Variants in DNMT3A observed in about 807,000 individuals in gnomAD.
DNMT3A encodes the protein DNA methyltransferase 3 alpha, also known as DNA (cytosine-5)-methyltransferase 3A.
A neutral mutation model predicts 117.6 loss-of-function variants in DNMT3A; 267 were observed. That is an observed-to-expected ratio of 2.27 (90% CI 2.05 to 2.51). The LOEUF (loss-of-function observed/expected upper bound fraction) is 2.51, where lower values mean the gene tolerates loss of function less well. Ranked by LOEUF, DNMT3A falls within the 30% of genes most tolerant of loss-of-function variation. The pLI, the probability that DNMT3A is intolerant of heterozygous loss-of-function variation, is 0.00. For synonymous variants in DNMT3A, 432 were observed against 474.8 expected, an observed-to-expected ratio of 0.91 and a Z score of 1.17; for missense variants, 1,029 against 1,260.2, an observed-to-expected ratio of 0.82 and a Z score of 2.78.
chr2:25,282,012 T>C lies in DNMT3A; in HGVS notation c.448+429A>G. 1 of 1,116,714 alleles carries C rather than the reference T, an allele frequency of 9.0e-7. No individual in the cohort carries two copies. Among genetic ancestry groups the C allele is most frequent in the Non-Finnish European group, 1.1e-6 (1 of 910,660 alleles). The allele number at this position is 1,116,714 out of a possible 1,614,324, so 69.2% of individuals were successfully genotyped here. A position where few individuals can be genotyped will look rare whatever the true frequency, so the allele number is the denominator to read the frequency against. On this transcript the variant is annotated intron_variant, in intron 4 of 22. Transcript: ENST00000321117. The surrounding 1 kb of genome is among the most constrained non-coding windows in gnomAD (Gnocchi z 5.2). ...AATACAGCAACCCCCAGGAACTGCA[T>C]GGCACGTGGGAGAGTAAGCAGGCCA...
chr2:25,335,530 C>T (rs535799068), intron 1 of DNMT3A, among the ~76,000 whole-genome samples: 2 of 152,194 alleles, frequency 1.3e-5, no homozygotes, highest in Non-Finnish European at 2.9e-5. Context: ...ACCCACACCC[C>T]ATAATCTCTA....
chr2:25,240,697 C>A lies in DNMT3A; in HGVS notation c.2116G>T (p.Gly706Trp), dbSNP rs749365376. The stretch of plus-strand genomic sequence containing the variant: ...GAGAGGTCATTGCAGGGACTGCCCC[C>A]AATCACCAGATCGAATGGGCCCCAC... Reference protein sequence around the residue: ...QEWGPFDLVIGGSPCNDLSIV... With the variant: ...QEWGPFDLVIWGSPCNDLSIV... The change falls in exon 18 of 23, where the codon GGG (glycine) becomes TGG (tryptophan). Residue 706 changes from glycine (G) to tryptophan (W), a missense_variant. Physicochemically the swap from Gly to Trp is radical, Grantham distance 184 (BLOSUM62 -2). Coordinates refer to ENST00000321117, the MANE Select transcript of DNMT3A (RefSeq NM_022552.5). 6.2e-7 allele frequency: 1 copy of A among 1,614,190 alleles called. No homozygotes were observed.
rs2033154846 is a variant in DNMT3A at position 25,297,427 on chromosome 2, AC to A, written c.177+2711del. Among the ~76,000 whole-genome samples, 7 of 145,142 alleles carry A rather than the reference AC, an allele frequency of 4.8e-5. No individual in the cohort carries two copies. The South Asian group carries it at 1.6e-3, about 32-fold the overall frequency. On this transcript the variant is annotated intron_variant, in intron 3 of 22. Coordinates refer to ENST00000321117, the MANE Select transcript of DNMT3A (RefSeq NM_022552.5). ...GCTGAGAGGCTGATGCTGGGCCCCC[AC>A]CCCATAGGCCTGCACCCCAGCCTGG...
At chr2:25,245,481 G>A (rs992562432) in intron 12 of DNMT3A, 149 bp from the exon 13 acceptor site, 17 of 664,382 alleles carry the variant, frequency 2.6e-5, no homozygotes, top group Admixed American at 5.4e-5. Context: ...GAAAAGGGAG[G>A]CACTGTGACC....
rs370751539 is a variant in DNMT3A, at chr2:25,239,199, A to G, written c.2339T>C (p.Ile780Thr). The G allele has an allele frequency of 1.8e-5, 29 of 1,613,668 alleles. No homozygotes were observed. The highest frequency in any genetic ancestry group is 1.6e-4 in the Middle Eastern group (1 of 6,084). The change falls in exon 20 of 23, where the codon ATT (isoleucine) becomes ACT (threonine). Residue 780 changes from isoleucine to threonine, a missense_variant. By Grantham distance (89) the Ile-to-Thr change is moderately conservative. Transcript: ENST00000321117. ...TGCAGCTGACACTTCTTTGGCATCA[A>G]TCATCACAGGGTTGGACTACAAAAC... is the stretch of plus-strand genomic sequence containing the variant. ...SRFLESNPVM[I>T]DAKEVSAAHR... is the part of the protein sequence containing the mutation.
intron 6 of DNMT3A, among the ~76,000 whole-genome samples, chr2:25,251,159 G>A: frequency 6.9e-6 from 1 of 144,146 alleles, no homozygotes; most frequent in Non-Finnish European, 1.5e-5. Flanking sequence ...GAAGCGGGGG[G>A]GGGGGTGGGT....
intron 6 of DNMT3A, among the ~76,000 whole-genome samples, chr2:25,255,324 AC>A (rs1384693020): frequency 6.6e-6 from 1 of 152,248 alleles, no homozygotes; most frequent in African/African-American, 2.4e-5. Context: ...CTGGTAGTTT[AC>A]CAGATAGGTC....
At chr2:25,288,172 C>T (rs59118265) in intron 3 of DNMT3A, among the ~76,000 whole-genome samples, 6 of 145,790 alleles carry the variant, frequency 4.1e-5, no homozygotes, top group African/African-American at 1.3e-4. Context: ...TGGTGGCTTA[C>T]GCCTGTAATC....
At chr2:25,258,843 A>C (rs1676372101) in intron 6 of DNMT3A, among the ~76,000 whole-genome samples, 1 of 152,210 alleles carries the variant, frequency 6.6e-6, no homozygotes, top group African/African-American at 2.4e-5. Context: ...AGGAATGAAA[A>C]GCACAAGCAC....
At chr2:25,241,426 A>T in intron 17 of DNMT3A, 136 bp downstream of exon 17, 1 of 1,207,166 alleles carries the variant, frequency 8.3e-7, no homozygotes, top group Non-Finnish European at 1.1e-6. Flanking sequence ...AATGGAAGAT[A>T]AGGAGAAAAA....
chr2:25,253,599 C>T (rs1395392341), intron 6 of DNMT3A, among the ~76,000 whole-genome samples: 1 of 152,134 alleles, frequency 6.6e-6, no homozygotes, highest in South Asian at 2.1e-4. Context: ...CCTTCAGGTG[C>T]GTCCTTGGGT....
intron 6 of DNMT3A, among the ~76,000 whole-genome samples, chr2:25,261,250 C>T (rs1358900517): frequency 1.3e-5 from 2 of 151,472 alleles, no homozygotes; most frequent in Non-Finnish European, 2.9e-5. Flanking sequence ...ACTAGCCTGG[C>T]CAACATGGTG....
intron 19 of DNMT3A, 119 bp from the exon 20 acceptor site, chr2:25,239,334 C>T (rs1381081774): frequency 3.5e-6 from 3 of 850,788 alleles, no homozygotes; most frequent in Non-Finnish European, 5.8e-6. Context: ...AGGAGCCACA[C>T]ACTGGGCTAG....
In DNMT3A at chr2:25,230,552, C is replaced by T. The variant is rs1230672113; in HGVS notation, c.*3727G>A. 3 of 152,424 alleles carry T rather than the reference C, an allele frequency of 2.0e-5. No individual in the cohort carries two copies. Among genetic ancestry groups the T allele is most frequent in the South Asian group, 2.1e-4 (1 of 4,826 alleles). 9.4% of individuals were successfully genotyped at this position (152,424 alleles called of 1,614,324 possible). ...ATTTTCCCTAGGCCTTCTTGGTTCC[C>T]CCACTCCACTGCCTCTAACCTCTGC... is the stretch of plus-strand genomic sequence containing the variant. On this transcript the variant is annotated 3_prime_UTR_variant, in exon 23 of 23. Transcript: ENST00000321117.
intron 1 of DNMT3A, among the ~76,000 whole-genome samples, chr2:25,332,001 G>A (rs982077197): frequency 6.6e-6 from 1 of 151,536 alleles, no homozygotes; most frequent in Non-Finnish European, 1.5e-5. Context: ...CTTTTATCCC[G>A]CCTGTTCCTA....
Position 25,294,421 on chromosome 2 carries a change from C to T in DNMT3A, c.177+5718G>A, listed in dbSNP as rs186578215. Among the ~76,000 whole-genome samples the T allele has an allele frequency of 2.6e-5, 4 of 152,204 alleles. No homozygotes were observed. The highest frequency in any genetic ancestry group is 3.4e-3 in the Middle Eastern group (1 of 294). On this transcript the variant is annotated intron_variant, in intron 3 of 22. Coordinates refer to ENST00000321117, the MANE Select transcript of DNMT3A (RefSeq NM_022552.5). The surrounding 1 kb of genome is among the most constrained non-coding windows in gnomAD (Gnocchi z 4.7). ...CATGAGGAGACAGAGTGGGCAGCAG[C>T]GTGTACTGATGCAGGCTCGCAGGAA...
intron 6 of DNMT3A, among the ~76,000 whole-genome samples, chr2:25,269,379 GGTC>G (rs1558693341): frequency 6.6e-6 from 1 of 152,168 alleles, no homozygotes; most frequent in African/African-American, 2.4e-5. Context: ...GAAGGGAAGA[GGTC>G]ATTGTGGACT....
chr2:25,247,547 G>A lies in DNMT3A; in HGVS notation c.1014+44C>T. ...CCAAAACCACAGGCCCTGGGATCAA[G>A]AACCTTCCCCCACCCCAGGCTACTG... On this transcript the variant is annotated intron_variant, in intron 8 of 22. Transcript: ENST00000321117. The surrounding 1 kb of genome is among the most constrained non-coding windows in gnomAD (Gnocchi z 5.6). The A allele has an allele frequency of 6.2e-7, 1 of 1,600,656 alleles. No individual in the cohort carries two copies. Among genetic ancestry groups the A allele is most frequent in the South Asian group, 1.1e-5 (1 of 89,668 alleles).
chr2:25,301,708 A>G (rs2033526316), intron 2 of DNMT3A, among the ~76,000 whole-genome samples: 1 of 152,154 alleles, frequency 6.6e-6, no homozygotes, highest in South Asian at 2.1e-4. Flanking sequence ...GGGGAGAAAG[A>G]CGTCCTGACC....
Sources: allele counts gnomAD v4.1 joint callset (sites outside exome capture counted in the v4.1 genomes callset), GRCh38; gene constraint gnomAD v4.1.1; non-coding constraint Gnocchi (gnomAD v3.1); transcripts MANE v1.5; gene names NCBI Gene and HGNC (gene_info 2026-07-23, HGNC 2026-07-21).